The following CDC42BPA variants were observed in gnomAD, a reference collection of about 807,000 sequenced individuals.
CDC42BPA encodes serine/threonine-protein kinase MRCK alpha.
Under a neutral mutation model 223.5 loss-of-function variants are expected in CDC42BPA, and 80 were observed. That is an observed-to-expected ratio of 0.36 (90% CI 0.30 to 0.43). The LOEUF (loss-of-function observed/expected upper bound fraction) is 0.43, where lower values mean the gene tolerates loss of function less well. Ranked by LOEUF, CDC42BPA falls within the 20% of genes least tolerant of loss-of-function variation. The pLI is 1.00. For missense variants in CDC42BPA, 1,743 were observed against 2,099.9 expected (o/e 0.83, Z 3.32); for synonymous variants, 694 against 718.6 (o/e 0.97, Z 0.55).
At chr1:227,053,262 GGCT>G (rs1673901549) in intron 21 of CDC42BPA, among the ~76,000 whole-genome samples, 1 of 152,176 alleles carries the variant, frequency 6.6e-6, no homozygotes, top group Non-Finnish European at 1.5e-5. Flanking sequence ...GGGAAGAATA[GGCT>G]AGCAGGCTGG....
intron 1 of CDC42BPA, among the ~76,000 whole-genome samples, chr1:227,313,273 A>C (rs1324364536): frequency 6.6e-6 from 1 of 152,192 alleles, no homozygotes; most frequent in Non-Finnish European, 1.5e-5. Context: ...TCTACTTTAT[A>C]GGGAATTTTT....
chr1:227,109,155 T>G (rs940882883), intron 14 of CDC42BPA, among the ~76,000 whole-genome samples: 18 of 152,182 alleles, frequency 1.2e-4, no homozygotes, highest in African/African-American at 4.1e-4. Flanking sequence ...TAGTGACTGG[T>G]GAGTGAACAT....
chr1:227,254,183 T>A (rs775888618), intron 1 of CDC42BPA, 28 bp from the exon 2 acceptor site: 13 of 1,157,140 alleles, frequency 1.1e-5, no homozygotes, highest in Non-Finnish European at 1.5e-5. Flanking sequence ...TATCAATTAT[T>A]TTCTTAATAA....
chr1:227,033,327 CACTTACCCTA>C lies in CDC42BPA; in HGVS notation c.3555_3558+6del. On this transcript the variant is annotated splice_donor_variant and splice_donor_5th_base_variant and coding_sequence_variant and intron_variant, in exon 27 of 37. Coordinates refer to ENST00000366766, the MANE Select transcript of CDC42BPA (RefSeq NM_001394014.1). LOFTEE classifies it high-confidence loss of function. Reference sequence around the variant, plus strand: ...TTCAGTGATCAAATTACAGCATACACACTTACCCTAAATATACAGGGTATATCTTTCCGAC... The same window carrying C: ...TTCAGTGATCAAATTACAGCATACACAATATACAGGGTATATCTTTCCGAC... 6.3e-7 allele frequency: 1 copy of C among 1,575,832 alleles called. No individual in the cohort carries two copies. The highest frequency in any genetic ancestry group is 8.7e-7 in the Non-Finnish European group (1 of 1,145,142).
intron 2 of CDC42BPA, among the ~76,000 whole-genome samples, chr1:227,223,336 G>A (rs1001470143): frequency 1.3e-5 from 2 of 152,114 alleles, no homozygotes; most frequent in Non-Finnish European, 2.9e-5. Context: ...GCACAACAGG[G>A]AGTAGCAAGA....
intron 3 of CDC42BPA, among the ~76,000 whole-genome samples, chr1:227,207,081 C>T (rs1374168650): frequency 1.0e-5 from 1 of 97,280 alleles, no homozygotes; most frequent in African/African-American, 3.9e-5. Flanking sequence ...TCCCTCCCCC[C>T]TCCCCCCACC....
intron 15 of CDC42BPA, among the ~76,000 whole-genome samples, chr1:227,098,339 T>C (rs1684397476): frequency 6.6e-6 from 1 of 152,146 alleles, no homozygotes; most frequent in Admixed American, 6.6e-5. Flanking sequence ...GCCATGGAAG[T>C]GATAAATATT....
chr1:227,042,297 G>GAGATAGATATATATATATATATATAT (rs922408596), intron 23 of CDC42BPA, among the ~76,000 whole-genome samples: 1 of 147,608 alleles, frequency 6.8e-6, no homozygotes, highest in African/African-American at 2.6e-5. Context: ...ATACATATAT[G>GAGATAGATATATATATATATATATAT]ATATATATAT....
At chr1:227,072,799 A>G (rs966747698) in intron 19 of CDC42BPA, among the ~76,000 whole-genome samples, 1 of 152,074 alleles carries the variant, frequency 6.6e-6, no homozygotes, top group African/African-American at 2.4e-5. Context: ...AACAATATGT[A>G]AACTCATCTG....
intron 1 of CDC42BPA, among the ~76,000 whole-genome samples, chr1:227,307,158 T>C (rs1169901388): frequency 6.6e-6 from 1 of 152,160 alleles, no homozygotes; most frequent in African/African-American, 2.4e-5. Flanking sequence ...GAAGTGCACA[T>C]ATAAACTCCT....
chr1:227,087,371 A>G (rs1682184076), intron 16 of CDC42BPA, among the ~76,000 whole-genome samples: 1 of 148,562 alleles, frequency 6.7e-6, no homozygotes, highest in African/African-American at 2.5e-5. Context: ...CCATAAATGT[A>G]AGAACTTATT....
intron 1 of CDC42BPA, among the ~76,000 whole-genome samples, chr1:227,275,477 A>T (rs1384401413): frequency 6.6e-6 from 1 of 152,146 alleles, no homozygotes; most frequent in Non-Finnish European, 1.5e-5. Flanking sequence ...TATTAAATAG[A>T]GAAAATCAAC....
At chr1:227,113,236 GGTT>G (rs1234777781) in intron 12 of CDC42BPA, among the ~76,000 whole-genome samples, 1 of 152,208 alleles carries the variant, frequency 6.6e-6, no homozygotes, top group African/African-American at 2.4e-5. Flanking sequence ...ATATGTGTGA[GGTT>G]GTTTTCATAA....
chr1:227,278,946 C>T (rs1687575960), intron 1 of CDC42BPA, among the ~76,000 whole-genome samples: 1 of 151,168 alleles, frequency 6.6e-6, no homozygotes, highest in Non-Finnish European at 1.5e-5. Flanking sequence ...ACATTCTTTT[C>T]TTCAGGCTTA....
intron 1 of CDC42BPA, among the ~76,000 whole-genome samples, chr1:227,299,770 A>G (rs1433577509): frequency 1.3e-5 from 2 of 152,232 alleles, no homozygotes; most frequent in Non-Finnish European, 2.9e-5. Flanking sequence ...AACGACCTTG[A>G]GCAACAGAAG....
chr1:227,202,612 A>C (rs925259872), intron 3 of CDC42BPA, among the ~76,000 whole-genome samples: 1 of 152,164 alleles, frequency 6.6e-6, no homozygotes, highest in Admixed American at 6.5e-5. Context: ...TTAACTAAAA[A>C]AATTATTTTT....
chr1:227,164,213 T>G (rs560233024), intron 5 of CDC42BPA, among the ~76,000 whole-genome samples: 2 of 152,230 alleles, frequency 1.3e-5, no homozygotes, highest in African/African-American at 4.8e-5. Flanking sequence ...GTCTTAATTA[T>G]AAAATAATGA....
At chr1:227,042,712 G>A (rs1450342437) in intron 23 of CDC42BPA, among the ~76,000 whole-genome samples, 2 of 151,838 alleles carry the variant, frequency 1.3e-5, no homozygotes, top group African/African-American at 2.4e-5. Flanking sequence ...GTCAATATTT[G>A]ATATCTAATA....
intron 5 of CDC42BPA, among the ~76,000 whole-genome samples, chr1:227,177,855 G>A (rs538891172): frequency 6.6e-6 from 1 of 151,962 alleles, no homozygotes; most frequent in South Asian, 2.1e-4. Context: ...TTTTTCATGG[G>A]ATAATTTTTA....
Sources: allele counts gnomAD v4.1 joint callset (sites outside exome capture counted in the v4.1 genomes callset), GRCh38; gene constraint gnomAD v4.1.1; transcripts MANE v1.5; gene names NCBI Gene and HGNC (gene_info 2026-07-23, HGNC 2026-07-21).